Variants in RCOR1 observed in about 807,000 individuals in gnomAD.
RCOR1 encodes the protein REST corepressor 1.
In RCOR1, 12 loss-of-function variants were observed where a neutral mutation model predicts 64.0. The ratio of observed to expected loss-of-function variants is 0.19; its 90% CI spans 0.12 to 0.30. The LOEUF (loss-of-function observed/expected upper bound fraction) is 0.30, where lower values mean the gene tolerates loss of function less well. RCOR1 is among the 10% of genes least tolerant of loss of function. RCOR1 has a pLI of 1.00. For synonymous variants in RCOR1, 279 were observed against 227.2 expected, an observed-to-expected ratio of 1.23 and a Z score of -2.05; for missense variants, 502 against 621.2, an observed-to-expected ratio of 0.81 and a Z score of 2.04.
chr14:102,616,240 GTGTGTGTGTA>G (rs1220167958), intron 2 of RCOR1, among the ~76,000 whole-genome samples: 4 of 103,224 alleles, frequency 3.9e-5, no homozygotes, highest in African/African-American at 1.3e-4. Context: ...GTGTGTGTGT[GTGTGTGTGTA>G]TGTGTGTGTG....
At chr14:102,611,366 G>T (rs1345494040) in intron 2 of RCOR1, among the ~76,000 whole-genome samples, 1 of 152,144 alleles carries the variant, frequency 6.6e-6, no homozygotes, top group African/African-American at 2.4e-5. Flanking sequence ...ACCATGCCCG[G>T]CCTCAGCCTA....
At chr14:102,684,578 AAAAAC>A (rs1348294726) in intron 3 of RCOR1, among the ~76,000 whole-genome samples, 1 of 152,234 alleles carries the variant, frequency 6.6e-6, no homozygotes, top group African/African-American at 2.4e-5. Flanking sequence ...ACTCTGGGAA[AAAAAC>A]AAAACAAACA....
At chr14:102,676,672 G>A (rs1261712966) in intron 2 of RCOR1, among the ~76,000 whole-genome samples, 8 of 115,832 alleles carry the variant, frequency 6.9e-5, no homozygotes, top group East Asian at 2.8e-4. Flanking sequence ...GCGGCTGGCT[G>A]GGCGGGGGGC....
At chr14:102,665,027 GGAGACA>G (rs1280943580) in intron 2 of RCOR1, among the ~76,000 whole-genome samples, 1 of 150,862 alleles carries the variant, frequency 6.6e-6, no homozygotes, top group East Asian at 1.9e-4. Flanking sequence ...GTTGTTTTTT[GGAGACA>G]GAGTTTTGCT....
intron 2 of RCOR1, among the ~76,000 whole-genome samples, chr14:102,646,524 A>G (rs1894480418): frequency 6.6e-6 from 1 of 152,246 alleles, no homozygotes; most frequent in South Asian, 2.1e-4. Flanking sequence ...CTCTTGGAAA[A>G]TAGGATTGCA....
rs762278448 is a variant in RCOR1, at chr14:102,721,013, A to T, written c.1060A>T (p.Asn354Tyr). ...ATTATTTTTTCCTTCCTAGATCCAG[A>T]ATATTAAACAGACAAACAGTGCTCT... ...ELVSVKRQIQNIKQTNSALKE... is the reference protein window; with the variant it reads ...ELVSVKRQIQYIKQTNSALKE... The change falls in exon 9 of 12, where the codon AAT becomes TAT. Residue 354 changes from asparagine (N) to tyrosine (Y), a missense_variant. Asn to Tyr is a moderately radical substitution (Grantham distance 143, BLOSUM62 -2). Around this residue, in one of 2 missense-constraint regions of RCOR1, gnomAD observed 260 missense variants for 416.4 expected, o/e 0.62. Transcript: ENST00000262241. 4 of 1,500,508 alleles carry T rather than the reference A, an allele frequency of 2.7e-6. No individual in the cohort carries two copies. The highest frequency in any genetic ancestry group is 3.6e-6 in the Non-Finnish European group (4 of 1,105,206). 92.9% of individuals were successfully genotyped at this position (1,500,508 alleles called of 1,614,324 possible).
intron 4 of RCOR1, among the ~76,000 whole-genome samples, chr14:102,706,142 A>AAAAAAAAAAAAAAAAAAAAAAAAAC (rs1281591870): frequency 7.2e-6 from 1 of 138,644 alleles, no homozygotes; most frequent in African/African-American, 2.7e-5. Context: ...AAAAAAAAAA[A>AAAAAAAAAAAAAAAAAAAAAAAAAC]CCTAAAAAAA....
At chr14:102,694,391 G>A (rs1355346649) in intron 3 of RCOR1, among the ~76,000 whole-genome samples, 1 of 152,056 alleles carries the variant, frequency 6.6e-6, no homozygotes, top group Admixed American at 6.5e-5. Context: ...CCAGTAGCTG[G>A]GACTATAGGC....
intron 2 of RCOR1, among the ~76,000 whole-genome samples, chr14:102,620,696 G>A (rs939904269): frequency 1.3e-5 from 2 of 152,026 alleles, no homozygotes; most frequent in Non-Finnish European, 2.9e-5. Context: ...ACTCCATCCC[G>A]GGCCACAGAG....
intron 2 of RCOR1, among the ~76,000 whole-genome samples, chr14:102,631,332 A>T (rs1894107017): frequency 6.6e-6 from 1 of 151,148 alleles, no homozygotes; most frequent in East Asian, 1.9e-4. Flanking sequence ...CCTCCCGAGT[A>T]GCTGGGACTA....
intron 2 of RCOR1, among the ~76,000 whole-genome samples, chr14:102,656,303 C>G (rs148092060): frequency 1.2e-3 from 176 of 151,926 alleles, no homozygotes; most frequent in African/African-American, 4.1e-3. Flanking sequence ...CCACACTCAG[C>G]TAATTTTTGT....
At chr14:102,654,339 A>G (rs1894678246) in intron 2 of RCOR1, among the ~76,000 whole-genome samples, 1 of 152,096 alleles carries the variant, frequency 6.6e-6, no homozygotes. Flanking sequence ...GCCATCATGT[A>G]AAATACAGTT....
chr14:102,678,220 C>G (rs1376589435), intron 2 of RCOR1, among the ~76,000 whole-genome samples: 1 of 150,834 alleles, frequency 6.6e-6, no homozygotes, highest in Non-Finnish European at 1.5e-5. Flanking sequence ...GAGAGGGAGA[C>G]GAGAGGGAGA....
intron 6 of RCOR1, 147 bp from the exon 7 acceptor site, chr14:102,710,788 C>A: frequency 3.2e-6 from 2 of 634,790 alleles, no homozygotes; most frequent in Non-Finnish European, 5.6e-6. Context: ...ATCTCAGCAG[C>A]CTGAAAACAT....
intron 5 of RCOR1, 73 bp from the exon 6 acceptor site, chr14:102,708,392 G>A (rs189345737): frequency 0.012 from 11,143 of 894,996 alleles, 129 homozygotes; most frequent in Admixed American, 0.022. Flanking sequence ...GAGCCGCTGC[G>A]CCCGGCCTTA....
chr14:102,702,983 C>T (rs1016341078), intron 4 of RCOR1, among the ~76,000 whole-genome samples: 2 of 151,976 alleles, frequency 1.3e-5, no homozygotes, highest in South Asian at 2.1e-4. Context: ...CAGAAAAAAT[C>T]AAGAAAATGA....
chr14:102,683,421 C>T (rs1204936227), intron 3 of RCOR1, among the ~76,000 whole-genome samples: 4 of 152,146 alleles, frequency 2.6e-5, no homozygotes, highest in South Asian at 2.1e-4. Context: ...AACAGACTCC[C>T]GAGCCACGAG....
chr14:102,669,214 C>T (rs531020400), intron 2 of RCOR1, among the ~76,000 whole-genome samples: 2 of 150,776 alleles, frequency 1.3e-5, no homozygotes, highest in Non-Finnish European at 2.9e-5. Flanking sequence ...GATGCTGAGG[C>T]AGGAGAATCG....
intron 2 of RCOR1, among the ~76,000 whole-genome samples, chr14:102,647,309 A>G (rs1894496701): frequency 6.6e-6 from 1 of 152,094 alleles, no homozygotes; most frequent in South Asian, 2.1e-4. Flanking sequence ...GAGCATACCC[A>G]TCTAGGATTT....
Sources: gnomAD v4.1 joint callset for allele counts (sites outside exome capture counted in the v4.1 genomes callset) on GRCh38, gnomAD v4.1.1 for gene constraint, gnomAD v4.1.1 regional missense constraint, MANE v1.5 for transcripts, NCBI Gene and HGNC (gene_info 2026-07-23, HGNC 2026-07-21) for gene names.